MTUS2: variants seen among roughly 807,000 people sequenced by gnomAD.
MTUS2 encodes the protein microtubule associated scaffold protein 2.
Under a neutral mutation model 114.1 loss-of-function variants are expected in MTUS2, and 40 were observed. The observed-to-expected ratio is 0.35, with a 90% confidence interval of 0.27 to 0.46. MTUS2 has a LOEUF of 0.46. Ranked by LOEUF, MTUS2 falls within the 20% of genes least tolerant of loss-of-function variation. The pLI, the probability that MTUS2 is intolerant of heterozygous loss-of-function variation, is 1.00. For missense variants in MTUS2, 1,679 were observed against 1,705.4 expected (o/e 0.98, Z 0.27); for synonymous variants, 688 against 672.0 (o/e 1.02, Z -0.37).
chr13:29,118,896 C>G (rs753054754), intron 5 of MTUS2, among the ~76,000 whole-genome samples: 1 of 152,120 alleles, frequency 6.6e-6, no homozygotes, highest in Non-Finnish European at 1.5e-5. Context: ...TCCTGAGATG[C>G]CTTCATGGAT....
intron 2 of MTUS2, among the ~76,000 whole-genome samples, chr13:29,022,599 T>G (rs1886339039): frequency 6.6e-6 from 1 of 152,198 alleles, no homozygotes. Flanking sequence ...AACAGTAGCC[T>G]CACATGTGGT....
chr13:29,442,781 C>T (rs1435624917), intron 9 of MTUS2, among the ~76,000 whole-genome samples: 5 of 152,150 alleles, frequency 3.3e-5, no homozygotes, highest in South Asian at 2.1e-4. Flanking sequence ...CCTCAGTGGC[C>T]GAGAGACTTG....
intron 4 of MTUS2, among the ~76,000 whole-genome samples, chr13:29,086,846 CT>C (rs749756501): frequency 3.9e-5 from 6 of 152,048 alleles, no homozygotes; most frequent in Non-Finnish European, 5.9e-5. Flanking sequence ...CCCTGGTTAG[CT>C]GTATTCCTAG....
At chr13:29,077,689 G>T (rs939512631) in intron 4 of MTUS2, among the ~76,000 whole-genome samples, 1 of 152,168 alleles carries the variant, frequency 6.6e-6, no homozygotes, top group Non-Finnish European at 1.5e-5. Flanking sequence ...GAATTTTCCA[G>T]AACACCTTGT....
At chr13:29,491,172 T>C (rs1457895284) in intron 11 of MTUS2, among the ~76,000 whole-genome samples, 1 of 139,620 alleles carries the variant, frequency 7.2e-6, no homozygotes, top group Non-Finnish European at 1.5e-5. Context: ...GAGTGTGTGG[T>C]GTGTGGTGTG....
At chr13:28,831,266 T>C (rs756915361) in intron 1 of MTUS2, among the ~76,000 whole-genome samples, 13 of 152,026 alleles carry the variant, frequency 8.6e-5, no homozygotes, top group Admixed American at 3.9e-4. Context: ...AATAGCAAAA[T>C]GGCAGATGTA....
intron 5 of MTUS2, among the ~76,000 whole-genome samples, chr13:29,177,618 A>C (rs1163066682): frequency 6.6e-6 from 1 of 152,162 alleles, no homozygotes; most frequent in African/African-American, 2.4e-5. Context: ...TTATTTTCCA[A>C]ACAGATATAA....
intron 6 of MTUS2, among the ~76,000 whole-genome samples, chr13:29,297,202 T>C (rs1374874492): frequency 6.6e-6 from 1 of 152,172 alleles, no homozygotes; most frequent in Non-Finnish European, 1.5e-5. Flanking sequence ...GAGACTTGCA[T>C]TTTACCTAAT....
chr13:29,276,640 G>A (rs958981240), intron 5 of MTUS2, among the ~76,000 whole-genome samples: 6 of 152,290 alleles, frequency 3.9e-5, no homozygotes, highest in Non-Finnish European at 7.4e-5. Context: ...GCTCATGCCT[G>A]TAATCCCAGC....
intron 2 of MTUS2, among the ~76,000 whole-genome samples, chr13:28,985,393 CAG>C (rs1390701322): frequency 6.6e-6 from 1 of 152,112 alleles, no homozygotes; most frequent in Non-Finnish European, 1.5e-5. Context: ...GCAGTTAGCA[CAG>C]AGTTTGGTCT....
intron 8 of MTUS2, among the ~76,000 whole-genome samples, chr13:29,361,559 T>A (rs965499343): frequency 3.3e-5 from 5 of 152,090 alleles, no homozygotes; most frequent in Non-Finnish European, 5.9e-5. Context: ...GATTTGAGAA[T>A]TTGCTAGTAA....
At chr13:29,379,251 C>T (rs1166488123) in intron 8 of MTUS2, among the ~76,000 whole-genome samples, 1 of 152,172 alleles carries the variant, frequency 6.6e-6, no homozygotes, top group Non-Finnish European at 1.5e-5. Context: ...GACTTTTGGT[C>T]ATAAGCCACA....
chr13:28,911,878 A>AT (rs1364552890), intron 2 of MTUS2, among the ~76,000 whole-genome samples: 193 of 102,210 alleles, frequency 1.9e-3, no homozygotes, highest in African/African-American at 6.5e-3. Context: ...ATTTGTTTAC[A>AT]TTTTTTGTAG....
chr13:29,437,866 T>G (rs976142949), intron 8 of MTUS2, among the ~76,000 whole-genome samples: 3 of 151,658 alleles, frequency 2.0e-5, no homozygotes, highest in Non-Finnish European at 4.4e-5. Flanking sequence ...GAGGATACAT[T>G]GAGCCTGGGA....
chr13:29,488,176 A>T, intron 11 of MTUS2, 171 bp downstream of exon 11: 1 of 603,196 alleles, frequency 1.7e-6, no homozygotes, highest in Non-Finnish European at 2.9e-6. Flanking sequence ...GGAATTAAGG[A>T]TCCAGGTAGT....
chr13:29,154,789 A>T (rs1892792201), intron 5 of MTUS2, among the ~76,000 whole-genome samples: 1 of 152,232 alleles, frequency 6.6e-6, no homozygotes, highest in South Asian at 2.1e-4. Flanking sequence ...ACACAGGGAA[A>T]CATTCAGTTG....
At chr13:28,995,300 T>C (rs552854380) in intron 2 of MTUS2, among the ~76,000 whole-genome samples, 1 of 152,364 alleles carries the variant, frequency 6.6e-6, no homozygotes, top group African/African-American at 2.4e-5. Context: ...TTGGTTACTG[T>C]AGCCTTGTAG....
At chr13:29,118,581 G>A (rs1253635698) in intron 5 of MTUS2, among the ~76,000 whole-genome samples, 2 of 152,202 alleles carry the variant, frequency 1.3e-5, no homozygotes, top group East Asian at 3.8e-4. Flanking sequence ...GTGGGAAGCT[G>A]AGTTCAGCTG....
At chr13:29,130,493 C>T (rs1349740256) in intron 5 of MTUS2, among the ~76,000 whole-genome samples, 1 of 152,192 alleles carries the variant, frequency 6.6e-6, no homozygotes, top group Non-Finnish European at 1.5e-5. Flanking sequence ...TGCTCAACTG[C>T]CCACATTAAT....
Sources: allele counts gnomAD v4.1 joint callset (sites outside exome capture counted in the v4.1 genomes callset), GRCh38; gene constraint gnomAD v4.1.1; transcripts MANE v1.5; gene names NCBI Gene and HGNC (gene_info 2026-07-23, HGNC 2026-07-21).